Variants in SOX6 observed in about 807,000 individuals in gnomAD.
The protein encoded by SOX6 is SRY-box transcription factor 6.
SOX6 carries 11 observed loss-of-function variants against 97.8 expected under a neutral mutation model. That is an observed-to-expected ratio of 0.11 (90% CI 0.07 to 0.19). SOX6 has a LOEUF of 0.19. Ranked by LOEUF, SOX6 falls within the 10% of genes least tolerant of loss-of-function variation. The pLI, the probability that SOX6 is intolerant of heterozygous loss-of-function variation, is 1.00. For synonymous variants in SOX6, 360 were observed against 371.4 expected (o/e 0.97, Z 0.35); for missense variants, 810 against 1,039.5 (o/e 0.78, Z 3.04).
At chr11:16,491,951 A>C (rs538119278) in intron 4 of SOX6, among the ~76,000 whole-genome samples, 1 of 152,278 alleles carries the variant, frequency 6.6e-6, no homozygotes, top group Admixed American at 6.5e-5. Flanking sequence ...GGTTCCATGA[A>C]CACCTTAAAG....
intron 4 of SOX6, among the ~76,000 whole-genome samples, chr11:16,536,652 C>G (rs1319872586): frequency 6.6e-6 from 1 of 152,244 alleles, no homozygotes; most frequent in African/African-American, 2.4e-5. Flanking sequence ...AGATTCCCTC[C>G]CATGTGTGGC....
chr11:16,076,627 G>T (rs1401618462), intron 9 of SOX6, among the ~76,000 whole-genome samples: 1 of 152,036 alleles, frequency 6.6e-6, no homozygotes, highest in Non-Finnish European at 1.5e-5. Context: ...AGGAAGCATG[G>T]CTGGGAGGCC....
rs185730148 is a variant in SOX6, at chr11:16,690,665, A to G, written n.429+24165T>C. 1.3e-3 allele frequency among the ~76,000 whole-genome samples: 194 copies of G among 152,360 alleles called. 1 individual carries two copies. Among genetic ancestry groups the G allele is most frequent in the African/African-American group, 4.4e-3 (181 of 41,586 alleles). ...CCTTGGCTTTTCATGCGATGCAAGG[A>G]AACATTCTGTCTTTGGAGGGTAAAA... On this transcript the variant is annotated intron_variant and non_coding_transcript_variant, in intron 3 of 5. Transcript: ENST00000524520.
At chr11:16,404,049 A>G (rs554096489) in intron 1 of SOX6, among the ~76,000 whole-genome samples, 22 of 151,838 alleles carry the variant, frequency 1.4e-4, no homozygotes, top group African/African-American at 4.8e-4. Context: ...TACACACTGT[A>G]AAAGTGTCTT....
chr11:16,086,869 A>T (rs1385279336), intron 9 of SOX6, among the ~76,000 whole-genome samples: 1 of 152,228 alleles, frequency 6.6e-6, no homozygotes, highest in Non-Finnish European at 1.5e-5. Context: ...GATTCTGAGA[A>T]TGTCATACTG....
At chr11:16,723,519 T>C (rs983557227) in intron 2 of SOX6, among the ~76,000 whole-genome samples, 5 of 150,928 alleles carry the variant, frequency 3.3e-5, no homozygotes, top group African/African-American at 7.3e-5. Context: ...CTGAGAAAAG[T>C]CCATCTACAG....
At chr11:15,992,592 T>C (rs1392589917) in intron 13 of SOX6, among the ~76,000 whole-genome samples, 1 of 152,152 alleles carries the variant, frequency 6.6e-6, no homozygotes, top group Admixed American at 6.5e-5. Context: ...CATATAAAAA[T>C]GGTCTCACCT....
chr11:16,261,576 T>C (rs1853899500), intron 3 of SOX6, among the ~76,000 whole-genome samples: 1 of 151,990 alleles, frequency 6.6e-6, no homozygotes, highest in South Asian at 2.1e-4. Context: ...TTCTGGGGTA[T>C]ATACTCTGAG....
chr11:16,668,525 T>C (rs777709549), intron 3 of SOX6, among the ~76,000 whole-genome samples: 1 of 151,718 alleles, frequency 6.6e-6, no homozygotes, highest in Non-Finnish European at 1.5e-5. Context: ...AGAAAACAAA[T>C]AACAAAATAT....
At chr11:16,121,062 T>C (rs1005083575) in intron 6 of SOX6, among the ~76,000 whole-genome samples, 1 of 152,136 alleles carries the variant, frequency 6.6e-6, no homozygotes, top group East Asian at 1.9e-4. Flanking sequence ...ATACTCTATA[T>C]ACTGAGCATA....
At chr11:16,008,825 T>A (rs1037598908) in intron 13 of SOX6, among the ~76,000 whole-genome samples, 4 of 152,110 alleles carry the variant, frequency 2.6e-5, no homozygotes, top group African/African-American at 9.6e-5. Flanking sequence ...AATACAGTTT[T>A]GTGATACTCA....
At chr11:16,271,638 T>C (rs1040781520) in intron 3 of SOX6, among the ~76,000 whole-genome samples, 1 of 151,528 alleles carries the variant, frequency 6.6e-6, no homozygotes, top group Non-Finnish European at 1.5e-5. Flanking sequence ...TTTTCAAATT[T>C]ATTTGCATAT....
upstream of SOX6, among the ~76,000 whole-genome samples, chr11:16,360,688 T>A (rs2134375279): frequency 6.6e-6 from 1 of 152,264 alleles, no homozygotes; most frequent in African/African-American, 2.4e-5. Flanking sequence ...ATGCGTTGAA[T>A]GACTCCAATA....
At chr11:16,248,514 A>G (rs1853408044) in intron 3 of SOX6, among the ~76,000 whole-genome samples, 2 of 152,176 alleles carry the variant, frequency 1.3e-5, no homozygotes, top group Admixed American at 1.3e-4. Flanking sequence ...TCAATTCTTG[A>G]CTACTGTGCA....
chr11:16,476,039 C>T (rs1048390067), intron 1 of SOX6, among the ~76,000 whole-genome samples: 2 of 152,102 alleles, frequency 1.3e-5, no homozygotes, highest in Non-Finnish European at 2.9e-5. Flanking sequence ...CAATTGAGCC[C>T]TATTCTCAAA....
chr11:16,339,435 C>CAA (rs1856560335), intron 2 of SOX6, among the ~76,000 whole-genome samples: 1 of 151,936 alleles, frequency 6.6e-6, no homozygotes, highest in Non-Finnish European at 1.5e-5. Flanking sequence ...ATACTTCATA[C>CAA]ATGCTGTTCC....
chr11:16,523,321 A>G (rs1172073977), intron 4 of SOX6, among the ~76,000 whole-genome samples: 24 of 152,344 alleles, frequency 1.6e-4, no homozygotes, highest in Non-Finnish European at 2.9e-5. Flanking sequence ...ACTCAGGATT[A>G]AGAAACTCAC....
At chr11:16,654,220 G>C (rs1234049961) in intron 3 of SOX6, among the ~76,000 whole-genome samples, 1 of 152,118 alleles carries the variant, frequency 6.6e-6, no homozygotes, top group Non-Finnish European at 1.5e-5. Context: ...AAGTGCAATG[G>C]AGTCATCTTG....
chr11:16,683,417 C>T (rs1044830660), intron 3 of SOX6, among the ~76,000 whole-genome samples: 1 of 152,106 alleles, frequency 6.6e-6, no homozygotes, highest in Admixed American at 6.5e-5. Context: ...ACAGAGGCCT[C>T]AGAAATAACA....
Sources: gnomAD v4.1 joint callset for allele counts (sites outside exome capture counted in the v4.1 genomes callset) on GRCh38, gnomAD v4.1.1 for gene constraint, MANE v1.5 for transcripts, NCBI Gene and HGNC (gene_info 2026-07-23, HGNC 2026-07-21) for gene names.